The following VPS13B variants were observed in gnomAD, a reference collection of about 807,000 sequenced individuals.
The protein encoded by VPS13B is vacuolar protein sorting 13 homolog B.
Under a neutral mutation model 426.4 loss-of-function variants are expected in VPS13B, and 285 were observed. That is an observed-to-expected ratio of 0.67 (90% CI 0.61 to 0.74). The LOEUF is 0.74. Ranked by LOEUF, VPS13B falls within the 30% of genes least tolerant of loss-of-function variation. The pLI is 0.00. For synonymous variants in VPS13B, 1,676 were observed against 1,676.4 expected (o/e 1.00, Z 0.01); for missense variants, 4,537 against 4,782.6 (o/e 0.95, Z 1.51).
intron 25 of VPS13B, among the ~76,000 whole-genome samples, chr8:99,488,466 T>G (rs1820422251): frequency 6.6e-6 from 1 of 152,162 alleles, no homozygotes; most frequent in Non-Finnish European, 1.5e-5. Flanking sequence ...ATGAAGTCTC[T>G]CTTTTCTCCT....
At chr8:99,770,595 C>G (rs1399358608) in intron 40 of VPS13B, among the ~76,000 whole-genome samples, 2 of 152,182 alleles carry the variant, frequency 1.3e-5, no homozygotes, top group Non-Finnish European at 2.9e-5. Flanking sequence ...TATCAAAACT[C>G]TAACTCAGCG....
chr8:99,475,986 G>C (rs549352847), intron 24 of VPS13B, among the ~76,000 whole-genome samples: 1 of 152,286 alleles, frequency 6.6e-6, no homozygotes, highest in African/African-American at 2.4e-5. Context: ...AAACAAAATT[G>C]TGTTAAACTG....
At chr8:99,682,011 C>A (rs571740213) in intron 35 of VPS13B, among the ~76,000 whole-genome samples, 26 of 152,170 alleles carry the variant, frequency 1.7e-4, no homozygotes, top group African/African-American at 6.0e-4. Flanking sequence ...CAAAATAAAT[C>A]TATAAAAGAT....
intron 19 of VPS13B, among the ~76,000 whole-genome samples, chr8:99,339,212 T>TATTAGGTCGTTCTTGC (rs778700677): frequency 3.0e-4 from 45 of 152,328 alleles, no homozygotes; most frequent in Admixed American, 1.6e-3. Flanking sequence ...AGAGTTTTTG[T>TATTAGGTCGTTCTTGC]ATTAGGTCGT....
intron 3 of VPS13B, among the ~76,000 whole-genome samples, chr8:99,041,775 C>T (rs1244630173): frequency 1.3e-5 from 2 of 151,980 alleles, no homozygotes; most frequent in South Asian, 2.1e-4. Context: ...ATGGCATGAA[C>T]CCGCGAGGTG....
intron 43 of VPS13B, among the ~76,000 whole-genome samples, chr8:99,792,445 G>T (rs202211761): frequency 2.1e-5 from 3 of 140,552 alleles, no homozygotes; most frequent in African/African-American, 8.1e-5. Flanking sequence ...TTTTAGTTAA[G>T]AGAGAAAATC....
At chr8:99,620,683 A>G (rs1382513098) in intron 33 of VPS13B, among the ~76,000 whole-genome samples, 2 of 152,068 alleles carry the variant, frequency 1.3e-5, no homozygotes, top group African/African-American at 4.8e-5. Context: ...AAGAAGTGCC[A>G]TGTGTCAGCT....
intron 8 of VPS13B, among the ~76,000 whole-genome samples, chr8:99,127,604 C>T (rs1848238452): frequency 6.6e-6 from 1 of 152,136 alleles, no homozygotes; most frequent in Non-Finnish European, 1.5e-5. Context: ...TTTATTGCAA[C>T]TTATAGACCA....
intron 5 of VPS13B, among the ~76,000 whole-genome samples, chr8:99,110,133 T>A (rs1329305490): frequency 6.6e-6 from 1 of 152,126 alleles, no homozygotes; most frequent in African/African-American, 2.4e-5. Context: ...TAGACACATC[T>A]TCTTTAATTT....
At position 99,467,570 on chromosome 8, in the gene VPS13B, A is replaced by G. The variant is rs747139977; in HGVS notation, c.3602A>G (p.His1201Arg). The G allele has an allele frequency of 6.2e-7, 1 of 1,613,850 alleles. No homozygotes were observed. The highest frequency in any genetic ancestry group is 8.5e-7 in the Non-Finnish European group (1 of 1,179,832). The change falls in exon 24 of 62, where the codon CAT becomes CGT. Residue 1201 changes from histidine to arginine, a missense_variant. Around this residue, in one of 2 missense-constraint regions of VPS13B, gnomAD observed 4,311 missense variants for 4,474.3 expected, o/e 0.96. Coordinates refer to ENST00000357162, the MANE Select transcript of VPS13B (RefSeq NM_152564.5). ...CTTGCTACGGGACCTGATACACGAC[A>G]TTCATTTGTTGTCTGTCTCCATGTT... ...KLLATGPDTR[H>R]SFVVCLHVDL...
intron 25 of VPS13B, among the ~76,000 whole-genome samples, chr8:99,493,010 G>A (rs1023430273): frequency 4.6e-5 from 7 of 152,108 alleles, no homozygotes; most frequent in African/African-American, 1.2e-4. Flanking sequence ...AAGCGACTTC[G>A]AAATTATTAT....
At chr8:99,521,487 T>C (rs1023401508) in intron 30 of VPS13B, among the ~76,000 whole-genome samples, 6 of 152,312 alleles carry the variant, frequency 3.9e-5, no homozygotes, top group Middle Eastern at 3.4e-3. Flanking sequence ...AGTAAACACT[T>C]TCTGTGAAAA....
intron 34 of VPS13B, among the ~76,000 whole-genome samples, chr8:99,660,105 G>A (rs1340108712): frequency 6.6e-6 from 1 of 152,164 alleles, no homozygotes; most frequent in Non-Finnish European, 1.5e-5. Context: ...AAAAATCACT[G>A]ATGATATAAA....
At chr8:99,362,207 A>T (rs1310685063) in intron 19 of VPS13B, among the ~76,000 whole-genome samples, 1 of 138,222 alleles carries the variant, frequency 7.2e-6, no homozygotes, top group Non-Finnish European at 1.5e-5. Flanking sequence ...CAGTGGCGCG[A>T]TCTGGCTCAC....
At chr8:99,807,873 T>TA (rs35638213) in intron 43 of VPS13B, among the ~76,000 whole-genome samples, 1,249 of 118,024 alleles carry the variant, frequency 0.011, 9 homozygotes, top group South Asian at 0.029. Flanking sequence ...TATTCAGATT[T>TA]AAAAAAAAAA....
chr8:99,042,723 G>A (rs971163496), intron 3 of VPS13B, among the ~76,000 whole-genome samples: 1 of 152,092 alleles, frequency 6.6e-6, no homozygotes, highest in Non-Finnish European at 1.5e-5. Context: ...CTGGCCTCAA[G>A]TGACCCTCCT....
intron 35 of VPS13B, 89 bp downstream of exon 35, chr8:99,661,580 C>T: frequency 6.7e-7 from 1 of 1,498,256 alleles, no homozygotes; most frequent in South Asian, 1.2e-5. Context: ...TCTTGACATT[C>T]CGTGCAAAAA....
intron 19 of VPS13B, among the ~76,000 whole-genome samples, chr8:99,310,432 C>A (rs1476324673): frequency 6.6e-6 from 1 of 152,126 alleles, no homozygotes; most frequent in African/African-American, 2.4e-5. Context: ...TTTTCTGCAT[C>A]TATTGAGATA....
chr8:99,017,929 CAT>C (rs772199090), intron 2 of VPS13B, among the ~76,000 whole-genome samples: 15 of 152,164 alleles, frequency 9.9e-5, no homozygotes, highest in Non-Finnish European at 2.9e-5. Context: ...ATTGAGCTGA[CAT>C]AGTTTTGAGT....
Sources: allele counts gnomAD v4.1 joint callset (sites outside exome capture counted in the v4.1 genomes callset), GRCh38; gene constraint gnomAD v4.1.1; regional missense constraint gnomAD v4.1.1; transcripts MANE v1.5; gene names NCBI Gene and HGNC (gene_info 2026-07-23, HGNC 2026-07-21).